The following HS2ST1 variants were observed in gnomAD, a reference collection of about 807,000 sequenced individuals.
HS2ST1 encodes the protein heparan sulfate 2-O-sulfotransferase 1, also known as 2-O-sulfotransferase.
Under a neutral mutation model 42.9 loss-of-function variants are expected in HS2ST1, and 18 were observed. The ratio of observed to expected loss-of-function variants is 0.42; its 90% confidence interval spans 0.29 to 0.62. HS2ST1 has a LOEUF of 0.62. HS2ST1 is among the 20% of genes least tolerant of loss of function. The pLI, the probability that HS2ST1 is intolerant of heterozygous loss-of-function variation, is 0.21. For synonymous variants in HS2ST1, 146 were observed against 152.9 expected (o/e 0.95, Z 0.33); for missense variants, 334 against 433.8 (o/e 0.77, Z 2.04).
intron 1 of HS2ST1, among the ~76,000 whole-genome samples, chr1:87,019,827 G>A (rs1049065725): frequency 1.3e-5 from 2 of 152,164 alleles, no homozygotes; most frequent in Non-Finnish European, 2.9e-5. Flanking sequence ...TAATTTCAAA[G>A]CAGAGTAACT....
intron 1 of HS2ST1, among the ~76,000 whole-genome samples, chr1:86,950,903 C>T (rs1408302518): frequency 6.6e-6 from 1 of 152,122 alleles, no homozygotes; most frequent in Non-Finnish European, 1.5e-5. Flanking sequence ...GGAAAAGCCC[C>T]TCCCTCTTTC....
At chr1:86,968,929 A>G (rs1648147974) in intron 1 of HS2ST1, among the ~76,000 whole-genome samples, 1 of 152,226 alleles carries the variant, frequency 6.6e-6, no homozygotes, top group South Asian at 2.1e-4. Context: ...AGTACCATTC[A>G]GCTGAGTAGT....
chr1:86,972,883 C>T (rs1002882223), intron 1 of HS2ST1, among the ~76,000 whole-genome samples: 6 of 152,196 alleles, frequency 3.9e-5, no homozygotes, highest in Non-Finnish European at 5.9e-5. Context: ...CTTTATTCTG[C>T]AGTCTATAAT....
intron 1 of HS2ST1, among the ~76,000 whole-genome samples, chr1:87,068,994 G>T (rs1010157097): frequency 1.3e-5 from 2 of 152,128 alleles, no homozygotes; most frequent in Non-Finnish European, 2.9e-5. Flanking sequence ...CACCAGGCCA[G>T]GCTCTGAGAA....
intron 1 of HS2ST1, among the ~76,000 whole-genome samples, chr1:86,957,298 A>G (rs909997075): frequency 1.1e-4 from 16 of 152,352 alleles, no homozygotes; most frequent in Non-Finnish European, 1.6e-4. Flanking sequence ...AATGTTAATC[A>G]TCCCATTTTA....
chr1:87,057,485 C>T (rs1475936402), intron 1 of HS2ST1, among the ~76,000 whole-genome samples: 1 of 151,828 alleles, frequency 6.6e-6, no homozygotes, highest in African/African-American at 2.4e-5. Context: ...CCTATATGCA[C>T]TCTACAGTGT....
At chr1:87,002,782 C>T (rs1172324055) in intron 1 of HS2ST1, among the ~76,000 whole-genome samples, 1 of 152,052 alleles carries the variant, frequency 6.6e-6, no homozygotes, top group East Asian at 1.9e-4. Flanking sequence ...TGGTCACCTA[C>T]AACCCTGAAA....
intron 1 of HS2ST1, among the ~76,000 whole-genome samples, chr1:87,053,910 A>AAAGTGAAAAATG (rs1553140793): frequency 6.6e-6 from 1 of 151,906 alleles, no homozygotes; most frequent in Non-Finnish European, 1.5e-5. Context: ...AAATAAAAAT[A>AAAGTGAAAAATG]AAATTCTCTT....
At chr1:87,098,044 AAAAAT>A in intron 5 of HS2ST1, 109 bp downstream of exon 5, 1 of 1,517,166 alleles carries the variant, frequency 6.6e-7, no homozygotes, top group Non-Finnish European at 8.8e-7. Context: ...AGACTAGACT[AAAAAT>A]AACATGTAAT....
At chr1:87,015,005 A>G (rs902527021) in intron 1 of HS2ST1, among the ~76,000 whole-genome samples, 2 of 152,026 alleles carry the variant, frequency 1.3e-5, no homozygotes, top group African/African-American at 4.8e-5. Context: ...GGTTGACAGT[A>G]ACATGCCTTT....
At position 86,914,707 on chromosome 1, in the gene HS2ST1, C is replaced by A. The variant is rs901343932; in HGVS notation, c.-330C>A. The A allele has an allele frequency of 9.7e-6, 3 of 307,798 alleles. No homozygotes were observed. The highest frequency in any genetic ancestry group is 3.7e-5 in the South Asian group (1 of 26,944). The allele number at this position is 307,798 out of a possible 1,614,324, so 19.1% of individuals were successfully genotyped here. On this transcript the variant is annotated 5_prime_UTR_variant, in exon 1 of 7. Transcript: ENST00000370550. ...GAGGGAAGGAAGGAAGAGAGGGAGG[C>A]GGGCAAGCAGGCGGGCGCGGGGGTC...
At chr1:87,069,329 A>G (rs759569162) in intron 1 of HS2ST1, among the ~76,000 whole-genome samples, 1 of 152,232 alleles carries the variant, frequency 6.6e-6, no homozygotes, top group Non-Finnish European at 1.5e-5. Context: ...TACTGCCTAC[A>G]TTCTAAGTGC....
chr1:86,929,485 A>T (rs1001174945), intron 1 of HS2ST1, among the ~76,000 whole-genome samples: 1 of 151,848 alleles, frequency 6.6e-6, no homozygotes, highest in Non-Finnish European at 1.5e-5. Context: ...ATTTGTTTTC[A>T]TATAAATTCT....
chr1:86,983,099 G>A (rs923528609), intron 1 of HS2ST1, among the ~76,000 whole-genome samples: 3 of 152,116 alleles, frequency 2.0e-5, no homozygotes, highest in Non-Finnish European at 4.4e-5. Context: ...CCCTCTTTCT[G>A]TCTTTTCCTG....
intron 1 of HS2ST1, among the ~76,000 whole-genome samples, chr1:87,057,631 C>T (rs1651004175): frequency 6.7e-6 from 1 of 149,974 alleles, no homozygotes; most frequent in Non-Finnish European, 1.5e-5. Context: ...GCAGGTGGAT[C>T]ACGAGGTCAG....
At chr1:87,006,428 A>G (rs899667802) in intron 1 of HS2ST1, among the ~76,000 whole-genome samples, 1 of 152,168 alleles carries the variant, frequency 6.6e-6, no homozygotes, top group Non-Finnish European at 1.5e-5. Context: ...CAGAGCACTT[A>G]CTAGTCAACA....
intron 1 of HS2ST1, among the ~76,000 whole-genome samples, chr1:87,010,154 C>T (rs1649559484): frequency 6.6e-6 from 1 of 152,050 alleles, no homozygotes; most frequent in South Asian, 2.1e-4. Context: ...AAATGTAAGC[C>T]TTCTATAGGA....
intron 1 of HS2ST1, among the ~76,000 whole-genome samples, chr1:86,976,091 C>T (rs1260924320): frequency 1.3e-5 from 2 of 152,126 alleles, no homozygotes; most frequent in Admixed American, 6.5e-5. Flanking sequence ...CTGCAATTTA[C>T]GTATCTATAG....
intron 1 of HS2ST1, among the ~76,000 whole-genome samples, chr1:86,945,572 AT>A (rs1162638732): frequency 1.1e-4 from 1 of 8,710 alleles, no homozygotes; most frequent in Non-Finnish European, 1.8e-4. Context: ...TCTTTAATTA[AT>A]CTGCTTTGCA....
Sources: gnomAD v4.1 joint callset for allele counts (sites outside exome capture counted in the v4.1 genomes callset) on GRCh38, gnomAD v4.1.1 for gene constraint, MANE v1.5 for transcripts, NCBI Gene and HGNC (gene_info 2026-07-23, HGNC 2026-07-21) for gene names.